The following CORO2B variants were observed in gnomAD, a reference collection of about 807,000 sequenced individuals.
CORO2B encodes coronin 2B.
In CORO2B, 26 loss-of-function variants were observed where a neutral mutation model predicts 58.8. That is an observed-to-expected ratio of 0.44 (90% CI 0.32 to 0.61). The LOEUF (loss-of-function observed/expected upper bound fraction) is 0.61. CORO2B is among the 20% of genes least tolerant of loss of function. The probability of loss-of-function intolerance (pLI) is 0.04; values close to 1 mark genes in which losing one functional copy is unlikely to be tolerated. For synonymous variants in CORO2B, 242 were observed against 253.8 expected, an observed-to-expected ratio of 0.95 and a Z score of 0.44; for missense variants, 460 against 645.1, an observed-to-expected ratio of 0.71 and a Z score of 3.11.
intron 1 of CORO2B, among the ~76,000 whole-genome samples, chr15:68,607,309 T>C (rs1900149352): frequency 6.6e-6 from 1 of 152,288 alleles, no homozygotes; most frequent in Non-Finnish European, 1.5e-5. Flanking sequence ...CTACACATGG[T>C]GTCTCCACAT....
chr15:68,577,891 G>A (rs1379441875), upstream of CORO2B, among the ~76,000 whole-genome samples: 1 of 152,102 alleles, frequency 6.6e-6, no homozygotes, highest in Non-Finnish European at 1.5e-5. Context: ...GCTCATATAT[G>A]ACGTTGCCTT....
intron 1 of CORO2B, among the ~76,000 whole-genome samples, chr15:68,642,955 CAG>C (rs1901303993): frequency 6.6e-6 from 1 of 152,208 alleles, no homozygotes; most frequent in African/African-American, 2.4e-5. Flanking sequence ...ATGGAAAAGA[CAG>C]AGAAATACCT....
chr15:68,691,284 C>G (rs1892358814), intron 2 of CORO2B, among the ~76,000 whole-genome samples: 1 of 141,732 alleles, frequency 7.1e-6, no homozygotes, highest in Non-Finnish European at 1.5e-5. Flanking sequence ...GAGCCGAGAT[C>G]GCGCCACTGC....
At chr15:68,662,804 AGTGT>A (rs1331722507) in intron 2 of CORO2B, among the ~76,000 whole-genome samples, 1 of 152,230 alleles carries the variant, frequency 6.6e-6, no homozygotes, top group African/African-American at 2.4e-5. Context: ...ATGATCTGAA[AGTGT>A]GTGTATGTTT....
At chr15:68,712,858 A>G (rs1309249054) in intron 5 of CORO2B, among the ~76,000 whole-genome samples, 1 of 152,150 alleles carries the variant, frequency 6.6e-6, no homozygotes, top group African/African-American at 2.4e-5. Context: ...CCCAGAGCCC[A>G]TGCCAAGCAG....
the CORO2B span, among the ~76,000 whole-genome samples, chr15:68,555,035 G>A: frequency 7.9e-5 from 12 of 152,316 alleles, no homozygotes; most frequent in Middle Eastern, 3.4e-3. Flanking sequence ...GCTGGGGTGG[G>A]CAGCCCCTTT....
the CORO2B span, among the ~76,000 whole-genome samples, chr15:68,565,571 C>T: frequency 6.6e-6 from 1 of 151,830 alleles, no homozygotes; most frequent in African/African-American, 2.4e-5. Flanking sequence ...AAAACATTTT[C>T]TCTGTCTGCA....
intron 1 of CORO2B, among the ~76,000 whole-genome samples, chr15:68,622,981 C>G (rs1900569948): frequency 6.6e-6 from 1 of 152,040 alleles, no homozygotes; most frequent in South Asian, 2.1e-4. Context: ...GAGGTAAACC[C>G]CATTAATATC....
Position 68,719,277 on chromosome 15 carries a change from C to A in CORO2B, c.1171+43C>A, listed in dbSNP as rs191205109. On this transcript the variant is annotated intron_variant, in intron 10 of 11. Transcript: ENST00000261861. ...TCCACAGAGCACAGGCGGCTGCAGC[C>A]TTTGCCTTCAGCGCAGCTCACCCCA... The A allele has an allele frequency of 9.7e-5, 155 of 1,605,624 alleles. No individual in the cohort carries two copies. The East Asian group carries it at 2.4e-3, about 25-fold the overall frequency.
chr15:68,533,882 G>T, the CORO2B span, among the ~76,000 whole-genome samples: 1 of 152,056 alleles, frequency 6.6e-6, no homozygotes, highest in East Asian at 1.9e-4. Flanking sequence ...TCCCATCACA[G>T]CCCTCACAAG....
At chr15:68,700,918 C>G (rs912487363) in intron 3 of CORO2B, among the ~76,000 whole-genome samples, 1 of 152,120 alleles carries the variant, frequency 6.6e-6, no homozygotes, top group African/African-American at 2.4e-5. Flanking sequence ...CCACATCTTT[C>G]CTTTGCCTTT....
chr15:68,596,153 G>A lies in CORO2B; in HGVS notation c.15+16876G>A, dbSNP rs528396998. Among the ~76,000 whole-genome samples the A allele has an allele frequency of 7.9e-5, 12 of 152,164 alleles. No homozygotes were observed. The East Asian group carries it at 1.4e-3, about 17-fold the overall frequency. ...CCTTTTAGTAGTAAAGAGATGCGACGAAGTCATTAGATTCCACAACAATAA... is the reference window on the plus strand; with the variant it reads ...CCTTTTAGTAGTAAAGAGATGCGACAAAGTCATTAGATTCCACAACAATAA... On this transcript the variant is annotated intron_variant, in intron 1 of 11. Transcript: ENST00000261861.
chr15:68,554,797 G>A, the CORO2B span, among the ~76,000 whole-genome samples: 2 of 152,210 alleles, frequency 1.3e-5, no homozygotes, highest in Non-Finnish European at 2.9e-5. Context: ...CGGAGCCAGG[G>A]CTCCTTCCCA....
At chr15:68,576,929 T>G (rs1870234303), upstream of CORO2B, among the ~76,000 whole-genome samples, 1 of 152,074 alleles carries the variant, frequency 6.6e-6, no homozygotes, top group African/African-American at 2.4e-5. Flanking sequence ...GACCAGACCC[T>G]CAGAACTAAA....
rs751549062 is a variant in CORO2B at position 68,713,999 on chromosome 15, G to T, written c.723G>T (p.Gly241=). 6.2e-7 allele frequency: 1 copy of T among 1,614,082 alleles called. No individual in the cohort carries two copies. The highest frequency in any genetic ancestry group is 1.1e-5 in the South Asian group (1 of 91,080). ...LGNMKRLLTT[G]VSRWNTRQIA... is the part of the protein sequence containing the mutation. ...ACATGAAGCGGCTCCTCACGACAGG[G>T]GTCTCCAGGTGGAACACAAGACAGA... Residue 241 remains glycine, a synonymous_variant, in exon 6 of 12, where the codon GGG becomes GGT. Transcript: ENST00000261861.
intron 2 of CORO2B, among the ~76,000 whole-genome samples, chr15:68,651,357 C>G (rs1389346415): frequency 1.3e-5 from 2 of 152,182 alleles, no homozygotes; most frequent in African/African-American, 4.8e-5. Context: ...AGGCCCAATG[C>G]GGAACCCTTC....
chr15:68,551,832 A>C, the CORO2B span, among the ~76,000 whole-genome samples: 38 of 152,350 alleles, frequency 2.5e-4, no homozygotes, highest in African/African-American at 7.0e-4. Flanking sequence ...AATGACTCTT[A>C]AAACTTCTTT....
At chr15:68,563,968 C>T in the CORO2B span, among the ~76,000 whole-genome samples, 1 of 152,188 alleles carries the variant, frequency 6.6e-6, no homozygotes, top group Non-Finnish European at 1.5e-5. Flanking sequence ...TTCTCAGATT[C>T]TTCCAAAAAA....
At chr15:68,520,682 C>T in the CORO2B span, among the ~76,000 whole-genome samples, 641 of 152,258 alleles carry the variant, frequency 4.2e-3, 6 homozygotes, top group African/African-American at 0.015. Context: ...GGTTGACTAT[C>T]GGCACATTAA....
Sources: allele counts gnomAD v4.1 joint callset (sites outside exome capture counted in the v4.1 genomes callset), GRCh38; gene constraint gnomAD v4.1.1; transcripts MANE v1.5; gene names NCBI Gene and HGNC (gene_info 2026-07-23, HGNC 2026-07-21).